Variants in XG observed in about 807,000 individuals in gnomAD.
The protein encoded by XG is glycoprotein Xg.
A neutral mutation model predicts 25.7 loss-of-function variants in XG; 24 were observed. The observed-to-expected ratio is 0.93, with a 90% CI of 0.68 to 1.31. The LOEUF is 1.31. Ranked by LOEUF, XG falls within the 40% of genes most tolerant of loss-of-function variation. The probability of loss-of-function intolerance (pLI) is 0.00; values close to 1 mark genes in which losing one functional copy is unlikely to be tolerated. For synonymous variants in XG, 77 were observed against 69.2 expected (o/e 1.11, Z -0.56); for missense variants, 181 against 187.6 (o/e 0.96, Z 0.21).
intron 7 of XG, among the ~76,000 whole-genome samples, chrX:2,801,334 A>AG (rs55988946): frequency 0.019 from 2,053 of 110,096 alleles, 34 homozygotes; most frequent in African/African-American, 0.049. Context: ...CAAGAGAGAG[A>AG]GGGAGAGAGA....
At chrX:2,802,230 C>CT (rs1324149147) in intron 7 of XG, among the ~76,000 whole-genome samples, 7 of 110,922 alleles carry the variant, frequency 6.3e-5, no homozygotes, top group Non-Finnish European at 1.1e-4. Context: ...TCATAGCTCA[C>CT]TGCAGCCTCA....
intron 7 of XG, among the ~76,000 whole-genome samples, chrX:2,806,348 T>A (rs11152547): frequency 0.18 from 19,543 of 111,136 alleles, 1,501 homozygotes; most frequent in Admixed American, 0.36. Context: ...TCTTTTTTTT[T>A]AAAATTTTAA....
intron 4 of XG, among the ~76,000 whole-genome samples, chrX:2,784,413 T>G (rs994791917): frequency 5.5e-5 from 6 of 109,739 alleles, no homozygotes; most frequent in African/African-American, 2.0e-4. Context: ...TGAAACCCCA[T>G]CTCTACTAAA....
At chrX:2,771,768 CCAA>C (rs1426783387) in intron 2 of XG, among the ~76,000 whole-genome samples, 1 of 152,126 alleles carries the variant, frequency 6.6e-6, no homozygotes. Flanking sequence ...TCCTAAAAAG[CCAA>C]CAACAAGATG....
At chrX:2,764,144 C>T (rs753690868) in intron 1 of XG, among the ~76,000 whole-genome samples, 1 of 152,122 alleles carries the variant, frequency 6.6e-6, no homozygotes, top group African/African-American at 2.4e-5. Context: ...TTGTGTCTTC[C>T]CACCAGCACC....
chrX:2,801,866 G>A (rs1391333469), intron 7 of XG, among the ~76,000 whole-genome samples: 3 of 109,779 alleles, frequency 2.7e-5, no homozygotes, highest in South Asian at 4.0e-4. Context: ...CCGCCACCAC[G>A]CCTGGCAATT....
At chrX:2,797,439 C>T (rs1291775838) in intron 7 of XG, 79 bp downstream of exon 7, 1 of 1,080,170 alleles carries the variant, frequency 9.3e-7, no homozygotes, top group East Asian at 3.1e-5. Context: ...TTGCACTCTG[C>T]CCTGGGCCTT....
At chrX:2,767,672 C>A (rs764102687) in intron 1 of XG, among the ~76,000 whole-genome samples, 3 of 152,110 alleles carry the variant, frequency 2.0e-5, no homozygotes, top group African/African-American at 7.2e-5. Flanking sequence ...ACTCCAGACC[C>A]GTGAGGACCC....
intron 7 of XG, among the ~76,000 whole-genome samples, chrX:2,804,208 C>G (rs1167808498): frequency 8.9e-6 from 1 of 112,478 alleles, no homozygotes; most frequent in Non-Finnish European, 1.9e-5. Flanking sequence ...GGTCCCCAGG[C>G]AAGAAGGAGG....
At chrX:2,773,571 G>A in intron 2 of XG, among the ~76,000 whole-genome samples, 1 of 94,978 alleles carries the variant, frequency 1.1e-5, no homozygotes, top group African/African-American at 4.1e-5. Flanking sequence ...AGGAGAGAAG[G>A]AAGGAAGGAG....
intron 3 of XG, among the ~76,000 whole-genome samples, chrX:2,777,877 G>A (rs1315956051): frequency 2.6e-5 from 4 of 151,812 alleles, no homozygotes; most frequent in South Asian, 4.2e-4. Flanking sequence ...TGGCTAACAC[G>A]GTGAAACCCC....
rs149091595 is a variant in XG at position 2,768,475 on chromosome X, G to T, written c.62-2075G>T. On this transcript the variant is annotated intron_variant, in intron 1 of 10. Transcript: ENST00000644266. ...GCAGCTTGGACCATGATGATCAAGAGCGCTGGAGGAGGCCAGGTGCGGTGG... is the reference window on the plus strand; with the variant it reads ...GCAGCTTGGACCATGATGATCAAGATCGCTGGAGGAGGCCAGGTGCGGTGG... Among the ~76,000 whole-genome samples, 270 of 152,262 alleles carry T rather than the reference G, an allele frequency of 1.8e-3. 6 individuals are homozygous for T. The East Asian group carries it at 0.042, about 23-fold the overall frequency.
At chrX:2,786,416 C>T (rs2086785066) in intron 4 of XG, among the ~76,000 whole-genome samples, 1 of 108,539 alleles carries the variant, frequency 9.2e-6, no homozygotes. Context: ...TACAGGCGTG[C>T]AACACCACAC....
chrX:2,803,642 T>A (rs1343309596), intron 7 of XG, among the ~76,000 whole-genome samples: 1 of 109,317 alleles, frequency 9.1e-6, no homozygotes, highest in Non-Finnish European at 1.9e-5. Context: ...TGTTCCTGGG[T>A]GGATGGCGGA....
chrX:2,769,687 G>A (rs956916815), intron 1 of XG, among the ~76,000 whole-genome samples: 6 of 152,164 alleles, frequency 3.9e-5, no homozygotes, highest in Admixed American at 1.3e-4. Flanking sequence ...ATTCTGCAGT[G>A]TGTTTTTAAT....
At chrX:2,774,796 G>T in intron 3 of XG, 57 bp downstream of exon 3, 4 of 1,603,504 alleles carry the variant, frequency 2.5e-6, no homozygotes, top group Non-Finnish European at 3.4e-6. Context: ...TGATGCTTAC[G>T]GAGGGGATGG....
At chrX:2,795,071 T>C (rs747344824) in intron 6 of XG, among the ~76,000 whole-genome samples, 2 of 110,305 alleles carry the variant, frequency 1.8e-5, no homozygotes, top group Admixed American at 9.8e-5. Context: ...TGTGTGTATA[T>C]ACATGCTTTT....
rs2050552274 is a variant in XG, at chrX:2,760,936, C to G, written c.61+8601C>G. ...GGTCTCAGTAGGAACCAGCCCTGCCCACACCTTGATCTCAGACTTCCAGCT... is the reference window on the plus strand; with the variant it reads ...GGTCTCAGTAGGAACCAGCCCTGCCGACACCTTGATCTCAGACTTCCAGCT... On this transcript the variant is annotated intron_variant, in intron 1 of 10. Coordinates refer to ENST00000644266, the MANE Select transcript of XG (RefSeq NM_001141919.2). Among the ~76,000 whole-genome samples the G allele has an allele frequency of 3.3e-5, 5 of 152,184 alleles. 1 individual carries two copies. The South Asian group carries it at 1.0e-3, about 32-fold the overall frequency.
chrX:2,788,186 A>G (rs2086803351), intron 4 of XG, among the ~76,000 whole-genome samples: 2 of 112,515 alleles, frequency 1.8e-5, no homozygotes, highest in Admixed American at 1.9e-4. Flanking sequence ...GTCCTGAGGA[A>G]GGACTTTGAG....
Sources: gnomAD v4.1 joint callset for allele counts (sites outside exome capture counted in the v4.1 genomes callset) on GRCh38, gnomAD v4.1.1 for gene constraint, MANE v1.5 for transcripts, NCBI Gene and HGNC (gene_info 2026-07-23, HGNC 2026-07-21) for gene names.